TTBK2: variants seen among roughly 807,000 people sequenced by gnomAD.
TTBK2 encodes tau-tubulin kinase 2.
Under a neutral mutation model 110.8 loss-of-function variants are expected in TTBK2, and 28 were observed. The observed-to-expected ratio is 0.25, with a 90% CI of 0.19 to 0.35. TTBK2 has a LOEUF of 0.35. TTBK2 is among the 10% of genes least tolerant of loss of function. TTBK2 has a pLI of 1.00. For missense variants in TTBK2, 1,369 were observed against 1,500.3 expected (o/e 0.91, Z 1.45); for synonymous variants, 532 against 527.3 (o/e 1.01, Z -0.12).
intron 3 of TTBK2, among the ~76,000 whole-genome samples, chr15:42,849,844 C>T (rs181238055): frequency 6.6e-6 from 1 of 152,284 alleles, no homozygotes; most frequent in Admixed American, 6.5e-5. Context: ...GAGGTCAGCT[C>T]AGGAGTCCAA....
chr15:42,805,186 G>GCAAT (rs1213970848), intron 9 of TTBK2, among the ~76,000 whole-genome samples: 2 of 152,138 alleles, frequency 1.3e-5, no homozygotes, highest in Non-Finnish European at 2.9e-5. Context: ...TTCAATAGAA[G>GCAAT]CAATAATCAA....
chr15:42,824,086 A>C (rs1287421529), intron 6 of TTBK2, among the ~76,000 whole-genome samples: 1 of 152,166 alleles, frequency 6.6e-6, no homozygotes, highest in African/African-American at 2.4e-5. Flanking sequence ...ATCAGCTCTC[A>C]TAAGAACTAA....
At chr15:42,795,335 C>CA (rs1484537634) in intron 9 of TTBK2, among the ~76,000 whole-genome samples, 1 of 150,514 alleles carries the variant, frequency 6.6e-6, no homozygotes, top group Non-Finnish European at 1.5e-5. Flanking sequence ...TATAAATTAT[C>CA]AAAAAATTGC....
At chr15:42,818,360 T>C (rs1892130016) in intron 6 of TTBK2, among the ~76,000 whole-genome samples, 1 of 152,240 alleles carries the variant, frequency 6.6e-6, no homozygotes. Flanking sequence ...GAGAAGTATA[T>C]AACTTGTCTA....
At chr15:42,845,787 T>C (rs1280724973) in intron 3 of TTBK2, among the ~76,000 whole-genome samples, 2 of 151,878 alleles carry the variant, frequency 1.3e-5, no homozygotes, top group African/African-American at 2.4e-5. Flanking sequence ...GCAAACATCA[T>C]AGGGTGTGCT....
intron 1 of TTBK2, among the ~76,000 whole-genome samples, chr15:42,895,681 G>A (rs940477825): frequency 6.6e-6 from 1 of 152,000 alleles, no homozygotes; most frequent in African/African-American, 2.4e-5. Flanking sequence ...GGGATTACAG[G>A]CGCCTGCCAC....
chr15:42,775,871 G>A (rs1339869791), intron 12 of TTBK2, 148 bp from the exon 13 acceptor site: 3 of 627,030 alleles, frequency 4.8e-6, no homozygotes, highest in Non-Finnish European at 7.9e-6. Flanking sequence ...CATTGATAAT[G>A]CTCTTCTCTA....
chr15:42,848,480 A>AT (rs1291335722), intron 3 of TTBK2, among the ~76,000 whole-genome samples: 1 of 151,632 alleles, frequency 6.6e-6, no homozygotes, highest in Non-Finnish European at 1.5e-5. Context: ...AGCATACAGA[A>AT]TATATACATA....
chr15:42,766,512 A>G (rs1183011668), intron 13 of TTBK2, among the ~76,000 whole-genome samples: 1 of 150,992 alleles, frequency 6.6e-6, no homozygotes, highest in Non-Finnish European at 1.5e-5. Context: ...ACTTTAAACC[A>G]ACAAAGATCA....
intron 13 of TTBK2, among the ~76,000 whole-genome samples, chr15:42,755,141 A>G (rs1160538172): frequency 1.3e-5 from 2 of 152,118 alleles, no homozygotes; most frequent in East Asian, 3.9e-4. Flanking sequence ...TAAGATACCT[A>G]AAGTTTTTAT....
At chr15:42,837,786 T>A (rs1359175269) in intron 4 of TTBK2, among the ~76,000 whole-genome samples, 2 of 151,782 alleles carry the variant, frequency 1.3e-5, no homozygotes, top group Admixed American at 1.3e-4. Context: ...GACGTTAGTA[T>A]CTTTAAATCT....
chr15:42,801,006 T>A (rs970684778), intron 9 of TTBK2: 1 of 763,802 alleles, frequency 1.3e-6, no homozygotes, highest in Non-Finnish European at 2.4e-6. Flanking sequence ...TAGCTTCCCA[T>A]CACGGGTTTC....
chr15:42,881,804 G>A (rs1224189166), intron 1 of TTBK2, among the ~76,000 whole-genome samples: 1 of 151,940 alleles, frequency 6.6e-6, no homozygotes, highest in African/African-American at 2.4e-5. Flanking sequence ...CCAGGAGGTG[G>A]AGGTTGCAAT....
intron 14 of TTBK2, among the ~76,000 whole-genome samples, chr15:42,747,731 G>A (rs1396005715): frequency 2.0e-5 from 3 of 152,128 alleles, no homozygotes; most frequent in East Asian, 1.9e-4. Context: ...GCCAAATTAC[G>A]TAGTGAGAAG....
In TTBK2 at chr15:42,794,668, G is replaced by C; in HGVS notation, c.956C>G (p.Thr319Ser). Reference sequence around the variant, plus strand: ...CCCAATTGCAGCAGGGGTCAAGCGAGTGTGCAACTGAGGGGTGGTAGAAGT... The same window carrying C: ...CCCAATTGCAGCAGGGGTCAAGCGACTGTGCAACTGAGGGGTGGTAGAAGT... ...TTTSTTPQLHTRLTPAAIGIA... is the reference protein window; with the variant it reads ...TTTSTTPQLHSRLTPAAIGIA... Residue 319 changes from threonine (T) to serine (S), a missense_variant, in exon 10 of 15, where the codon ACT (threonine) becomes AGT (serine). Around this residue, in one of 4 missense-constraint regions of TTBK2, gnomAD observed 1,097 missense variants for 1,114.7 expected, o/e 0.98. Transcript: ENST00000267890. 6.2e-7 allele frequency: 1 copy of C among 1,614,174 alleles called. No homozygotes were observed. Among genetic ancestry groups the C allele is most frequent in the Non-Finnish European group, 8.5e-7 (1 of 1,180,034 alleles).
chr15:42,834,207 G>A (rs1892900388), intron 4 of TTBK2, among the ~76,000 whole-genome samples: 1 of 149,122 alleles, frequency 6.7e-6, no homozygotes, highest in South Asian at 2.1e-4. Flanking sequence ...GGGGGGGGGT[G>A]TATAAAAGGA....
chr15:42,766,758 G>C (rs988093394), intron 13 of TTBK2, among the ~76,000 whole-genome samples: 2 of 152,134 alleles, frequency 1.3e-5, no homozygotes, highest in Non-Finnish European at 2.9e-5. Flanking sequence ...TCCAGGACTT[G>C]AACTCAGCTC....
intron 13 of TTBK2, among the ~76,000 whole-genome samples, chr15:42,754,586 G>A (rs1029063223): frequency 4.0e-5 from 6 of 150,338 alleles, no homozygotes; most frequent in Non-Finnish European, 5.9e-5. Context: ...TAGTAGAGAC[G>A]GGGTTTCACC....
chr15:42,878,641 C>G lies in TTBK2; in HGVS notation c.-24G>C. 2.5e-6 allele frequency: 4 copies of G among 1,613,750 alleles called. No individual in the cohort carries two copies. The South Asian group carries it at 3.3e-5, about 13-fold the overall frequency. On this transcript the variant is annotated 5_prime_UTR_variant, in exon 2 of 15. Transcript: ENST00000267890. ...ATTGCAATACACTGATATGGTAGAA[C>G]AGCTACACAGGCATCCAGTTCCCAA...
Sources: allele counts gnomAD v4.1 joint callset (sites outside exome capture counted in the v4.1 genomes callset), GRCh38; gene constraint gnomAD v4.1.1; regional missense constraint gnomAD v4.1.1; transcripts MANE v1.5; gene names NCBI Gene and HGNC (gene_info 2026-07-23, HGNC 2026-07-21).